SLC24A2: variants seen among roughly 807,000 people sequenced by gnomAD.
SLC24A2 encodes the protein sodium/potassium/calcium exchanger 2.
SLC24A2 carries 36 observed loss-of-function variants against 62.0 expected under a neutral mutation model. That is an observed-to-expected ratio of 0.58 (90% CI 0.44 to 0.77). The LOEUF (loss-of-function observed/expected upper bound fraction) is 0.77. Ranked by LOEUF, SLC24A2 falls within the 30% of genes least tolerant of loss-of-function variation. SLC24A2 has a pLI of 0.00. For synonymous variants in SLC24A2, 358 were observed against 294.0 expected (o/e 1.22, Z -2.23); for missense variants, 846 against 817.9 (o/e 1.03, Z -0.42).
At chr9:20,132,701 A>T in the SLC24A2 span, among the ~76,000 whole-genome samples, 1 of 152,150 alleles carries the variant, frequency 6.6e-6, no homozygotes, top group Non-Finnish European at 1.5e-5. Flanking sequence ...AGTTTCATAC[A>T]CAGAAAGGAT....
chr9:19,765,201 A>G (rs11521324), intron 2 of SLC24A2, among the ~76,000 whole-genome samples: 39,402 of 151,938 alleles, frequency 0.26, 5,357 homozygotes, highest in African/African-American at 0.31. Flanking sequence ...TTTGCACATT[A>G]GATGGGTCTC....
intron 2 of SLC24A2, among the ~76,000 whole-genome samples, chr9:19,725,351 G>C (rs1821140916): frequency 6.6e-6 from 1 of 152,142 alleles, no homozygotes; most frequent in South Asian, 2.1e-4. Flanking sequence ...TGTTTTCTCA[G>C]TAGCTAAAAG....
chr9:19,785,858 AG>A, intron 2 of SLC24A2, 78 bp downstream of exon 2: 1 of 1,585,416 alleles, frequency 6.3e-7, no homozygotes, highest in Admixed American at 1.7e-5. Flanking sequence ...TCACATCAAA[AG>A]AACTGCAGAT....
At chr9:19,690,973 A>C (rs1820030237) in intron 2 of SLC24A2, among the ~76,000 whole-genome samples, 2 of 152,064 alleles carry the variant, frequency 1.3e-5, no homozygotes, top group Non-Finnish European at 2.9e-5. Context: ...GTATTGGCAA[A>C]AGAAAAAGAC....
At chr9:19,653,697 A>G (rs1335748968) in intron 2 of SLC24A2, among the ~76,000 whole-genome samples, 2 of 152,126 alleles carry the variant, frequency 1.3e-5, no homozygotes, top group East Asian at 3.9e-4. Flanking sequence ...TTCATCTATC[A>G]TCTTTGTATA....
intron 7 of SLC24A2, among the ~76,000 whole-genome samples, chr9:19,565,431 G>A (rs561327523): frequency 1.3e-5 from 2 of 150,782 alleles, no homozygotes; most frequent in South Asian, 4.3e-4. Context: ...CCTCTGCAAG[G>A]AGAACTACAA....
the SLC24A2 span, among the ~76,000 whole-genome samples, chr9:20,240,621 CT>C: frequency 6.6e-6 from 1 of 152,114 alleles, no homozygotes; most frequent in Non-Finnish European, 1.5e-5. Flanking sequence ...AAGATTGGCA[CT>C]CAGGTTCCTT....
At chr9:20,253,124 G>A in the SLC24A2 span, among the ~76,000 whole-genome samples, 4 of 152,302 alleles carry the variant, frequency 2.6e-5, no homozygotes, top group South Asian at 8.3e-4. Context: ...GGGAAGTCTT[G>A]ACTGTTAGAT....
At chr9:19,746,658 G>C (rs1821841093) in intron 2 of SLC24A2, among the ~76,000 whole-genome samples, 1 of 152,130 alleles carries the variant, frequency 6.6e-6, no homozygotes, top group African/African-American at 2.4e-5. Context: ...CTGAAATCCA[G>C]TATTTCTGTC....
At chr9:19,956,985 C>T in the SLC24A2 span, among the ~76,000 whole-genome samples, 4 of 152,152 alleles carry the variant, frequency 2.6e-5, no homozygotes, top group Admixed American at 6.5e-5. Context: ...TTCCCAGCCT[C>T]CGGACTGTGA....
At chr9:19,765,421 G>A (rs1166086846) in intron 2 of SLC24A2, among the ~76,000 whole-genome samples, 2 of 152,152 alleles carry the variant, frequency 1.3e-5, no homozygotes, top group East Asian at 3.9e-4. Flanking sequence ...GTTTGTTTTT[G>A]CAGTGGCTGG....
chr9:20,139,060 T>A, the SLC24A2 span, among the ~76,000 whole-genome samples: 1 of 152,230 alleles, frequency 6.6e-6, no homozygotes, highest in Admixed American at 6.5e-5. Context: ...TGTAAATTAA[T>A]TCACTTCTAC....
chr9:20,286,082 A>C, the SLC24A2 span, among the ~76,000 whole-genome samples: 1 of 152,310 alleles, frequency 6.6e-6, no homozygotes, highest in South Asian at 2.1e-4. Flanking sequence ...TCCTGTTGCA[A>C]ATCATCATAT....
the SLC24A2 span, among the ~76,000 whole-genome samples, chr9:20,274,006 A>T: frequency 6.6e-6 from 1 of 152,168 alleles, no homozygotes; most frequent in African/African-American, 2.4e-5. Flanking sequence ...GAAAGATATG[A>T]CTTTTTCTCC....
At chr9:20,164,077 G>A in the SLC24A2 span, among the ~76,000 whole-genome samples, 1 of 152,078 alleles carries the variant, frequency 6.6e-6, no homozygotes, top group African/African-American at 2.4e-5. Context: ...CATGGGCAAG[G>A]ACTTCATGTC....
intron 10 of SLC24A2, 41 bp from the exon 11 acceptor site, chr9:19,516,443 A>G (rs1210359840): frequency 6.2e-7 from 1 of 1,609,464 alleles, no homozygotes; most frequent in South Asian, 1.1e-5. Context: ...GTGGGAAGAC[A>G]AGGGAGTAGT....
At chr9:20,227,535 T>TAAAAAAAAA in the SLC24A2 span, among the ~76,000 whole-genome samples, 1 of 124,636 alleles carries the variant, frequency 8.0e-6, no homozygotes, top group Non-Finnish European at 1.7e-5. Context: ...CACACATTTC[T>TAAAAAAAAA]AAAAAAAAAA....
the SLC24A2 span, among the ~76,000 whole-genome samples, chr9:19,884,716 A>G: frequency 2.0e-5 from 3 of 152,314 alleles, no homozygotes; most frequent in Admixed American, 6.5e-5. Context: ...CTATACAACC[A>G]TTGTTTTCAC....
At chr9:20,217,610 A>T in the SLC24A2 span, among the ~76,000 whole-genome samples, 1 of 152,212 alleles carries the variant, frequency 6.6e-6, no homozygotes, top group Non-Finnish European at 1.5e-5. Flanking sequence ...ACAGGCCATG[A>T]TAAAATTTGA....
Sources: gnomAD v4.1 joint callset for allele counts (sites outside exome capture counted in the v4.1 genomes callset) on GRCh38, gnomAD v4.1.1 for gene constraint, MANE v1.5 for transcripts, NCBI Gene and HGNC (gene_info 2026-07-23, HGNC 2026-07-21) for gene names.